C11orf98: variants seen among roughly 807,000 people sequenced by gnomAD.
C11orf98 encodes the protein 28S rRNA/ribosome and sororin micro-cofactor.
Under a neutral mutation model 10.9 loss-of-function variants are expected in C11orf98, and 7 were observed. The observed-to-expected ratio is 0.64, with a 90% CI of 0.37 to 1.21. The LOEUF (loss-of-function observed/expected upper bound fraction) is 1.21. Ranked by LOEUF, C11orf98 falls within the 50% of genes most tolerant of loss-of-function variation. The pLI, the probability that C11orf98 is intolerant of heterozygous loss-of-function variation, is 0.02. For synonymous variants in C11orf98, 70 were observed against 57.2 expected, an observed-to-expected ratio of 1.22 and a Z score of -1.01; for missense variants, 181 against 153.7, an observed-to-expected ratio of 1.18 and a Z score of -0.94.
At position 62,664,990 on chromosome 11, in the gene C11orf98, T is replaced by C; in HGVS notation, c.40-17A>G. 6.2e-7 allele frequency: 1 copy of C among 1,608,622 alleles called. No individual in the cohort carries two copies. The highest frequency in any genetic ancestry group is 2.2e-5 in the East Asian group (1 of 44,860). ...CTTCAGCTCCTGCCGGGGAGAAAGA[T>C]GCGAATCAGATGGAGTGGGCTCGCC... On this transcript the variant is annotated splice_polypyrimidine_tract_variant and intron_variant, in intron 1 of 3. Transcript: ENST00000524958.
chr11:62,665,172 T>C lies in C11orf98; in HGVS notation c.-3A>G, dbSNP rs765821978. 7.0e-6 allele frequency: 6 copies of C among 860,200 alleles called. No homozygotes were observed. The South Asian group carries it at 7.1e-5, about 10-fold the overall frequency. The allele number at this position is 860,200 out of a possible 1,614,324, so 53.3% of individuals were successfully genotyped here. A position where few individuals can be genotyped will look rare whatever the true frequency, so the allele number is the denominator to read the frequency against. ...ATCTTTCCCCCCGGAGCTCCCATAG[T>C]CGCGATTCCACTCCAGTTCACGGTC... On this transcript the variant is annotated 5_prime_UTR_variant, in exon 1 of 4. Coordinates refer to ENST00000524958, the MANE Select transcript of C11orf98 (RefSeq NM_001286086.2).
intron 2 of C11orf98, 111 bp downstream of exon 2, chr11:62,664,738 C>A: frequency 7.3e-7 from 1 of 1,366,538 alleles, no homozygotes; most frequent in South Asian, 1.4e-5. Flanking sequence ...ACATTCCCCG[C>A]ATAAGCGTCA....
chr11:62,665,025 G>T, intron 1 of C11orf98, 52 bp from the exon 2 acceptor site: 1 of 1,600,392 alleles, frequency 6.2e-7, no homozygotes, highest in Non-Finnish European at 8.5e-7. Context: ...CGCGACCCGG[G>T]GCCCCTCCAC....
intron 2 of C11orf98, among the ~76,000 whole-genome samples, chr11:62,663,960 C>G (rs1302762910): frequency 6.6e-6 from 1 of 150,624 alleles, no homozygotes; most frequent in African/African-American, 2.4e-5. Context: ...GTAATCCCAG[C>G]TACTCGGGAG....
In C11orf98 at chr11:62,665,171, G is replaced by C; in HGVS notation, c.-2C>G. On this transcript the variant is annotated 5_prime_UTR_variant, in exon 1 of 4. Transcript: ENST00000524958. ...GATCTTTCCCCCCGGAGCTCCCATA[G>C]TCGCGATTCCACTCCAGTTCACGGT... 1 of 865,164 alleles carries C rather than the reference G, an allele frequency of 1.2e-6. No individual in the cohort carries two copies. The highest frequency in any genetic ancestry group is 1.4e-5 in the South Asian group (1 of 70,778). 53.6% of individuals were successfully genotyped at this position (865,164 alleles called of 1,614,324 possible).
In C11orf98 at chr11:62,665,186, C is replaced by T. The variant is rs1281386741; in HGVS notation, c.-17G>A. 4.9e-6 allele frequency: 4 copies of T among 817,666 alleles called. No individual in the cohort carries two copies. The highest frequency in any genetic ancestry group is 3.4e-5 in the African/African-American group (2 of 59,272). The allele number at this position is 817,666 out of a possible 1,614,324, so 50.7% of individuals were successfully genotyped here. ...AGCTCCCATAGTCGCGATTCCACTC[C>T]AGTTCACGGTCCGTACTTCCGCTCA... On this transcript the variant is annotated 5_prime_UTR_variant, in exon 1 of 4. Transcript: ENST00000524958.
chr11:62,663,810 T>C (rs1449621379), intron 2 of C11orf98, among the ~76,000 whole-genome samples: 2 of 151,576 alleles, frequency 1.3e-5, no homozygotes, highest in Non-Finnish European at 2.9e-5. Context: ...CGGTGGCTTA[T>C]GCCTGTAATC....
In C11orf98 at chr11:62,663,347, G is replaced by A. The variant is rs764472493; in HGVS notation, c.165-14C>T. The A allele has an allele frequency of 1.9e-6, 3 of 1,611,880 alleles. No individual in the cohort carries two copies. Among genetic ancestry groups the A allele is most frequent in the African/African-American group, 1.3e-5 (1 of 74,892 alleles). On this transcript the variant is annotated splice_polypyrimidine_tract_variant and intron_variant, in intron 2 of 3. Coordinates refer to ENST00000524958, the MANE Select transcript of C11orf98 (RefSeq NM_001286086.2). ...CGTGCACTGGACCTGATGGGTAAGT[G>A]GAAATAAAGAGAGCTAGGTTAACCT...
chr11:62,665,113 C>T lies in C11orf98; in HGVS notation c.39+18G>A. On this transcript the variant is annotated intron_variant, in intron 1 of 3. Transcript: ENST00000524958. ...AGGAACGCTTGAGGAAACAAAGTCG[C>T]GGCCCCCACACAGTCACCGTTCGGG... The T allele has an allele frequency of 7.8e-7, 1 of 1,286,000 alleles. No individual in the cohort carries two copies. Among genetic ancestry groups the T allele is most frequent in the Non-Finnish European group, 1.1e-6 (1 of 917,820 alleles). The allele number at this position is 1,286,000 out of a possible 1,614,324, so 79.7% of individuals were successfully genotyped here.
In C11orf98 at chr11:62,665,138, G is replaced by A; in HGVS notation, c.32C>T (p.Pro11Leu). 1 of 1,059,120 alleles carries A rather than the reference G, an allele frequency of 9.4e-7. No homozygotes were observed. 65.6% of individuals were successfully genotyped at this position (1,059,120 alleles called of 1,614,324 possible). MGAPGGKINR[P>L]RTELKKKLFK... ...CGGCCCCCACACAGTCACCGTTCGG[G>A]GCCGGTTGATCTTTCCCCCCGGAGC... Residue 11 changes from proline (P) to leucine (L), a missense_variant, in exon 1 of 4, where the codon CCC (proline) becomes CTC (leucine). Coordinates refer to ENST00000524958, the MANE Select transcript of C11orf98 (RefSeq NM_001286086.2).
chr11:62,665,216 C>G (rs371889644), upstream of C11orf98: 17 of 789,020 alleles, frequency 2.2e-5, no homozygotes, highest in Middle Eastern at 2.4e-4. Context: ...CGCTCAGCGC[C>G]GGATCCGCGG....
intron 2 of C11orf98, among the ~76,000 whole-genome samples, chr11:62,663,597 G>A (rs1272635864): frequency 1.3e-5 from 2 of 151,796 alleles, no homozygotes; most frequent in South Asian, 2.1e-4. Context: ...GGGAGGCTGC[G>A]GCAGGAGAAT....
chr11:62,665,157 C>G lies in C11orf98; in HGVS notation c.13G>C (p.Gly5Arg). 2.2e-6 allele frequency: 2 copies of G among 919,562 alleles called. No individual in the cohort carries two copies. The highest frequency in any genetic ancestry group is 3.4e-6 in the Non-Finnish European group (2 of 583,354). 57.0% of individuals were successfully genotyped at this position (919,562 alleles called of 1,614,324 possible). A position where few individuals can be genotyped will look rare whatever the true frequency, so the allele number is the denominator to read the frequency against. Residue 5 changes from glycine to arginine, a missense_variant, in exon 1 of 4, where the codon GGG becomes CGG. Gly to Arg is a moderately radical substitution (Grantham distance 125, BLOSUM62 -2). Coordinates refer to ENST00000524958, the MANE Select transcript of C11orf98 (RefSeq NM_001286086.2). MGAP[G>R]GKINRPRTEL... ...GTTCGGGGCCGGTTGATCTTTCCCC[C>G]CGGAGCTCCCATAGTCGCGATTCCA...
intron 2 of C11orf98, among the ~76,000 whole-genome samples, chr11:62,664,083 A>AG (rs1944726365): frequency 1.4e-5 from 1 of 70,980 alleles, no homozygotes; most frequent in African/African-American, 4.7e-5. Flanking sequence ...AAAAAAGAGG[A>AG]AAAAAAAAAA....
At chr11:62,664,775 G>C (rs1299069509) in intron 2 of C11orf98, 74 bp downstream of exon 2, 1 of 1,523,294 alleles carries the variant, frequency 6.6e-7, no homozygotes, top group African/African-American at 1.4e-5. Context: ...GAGAGGTGAA[G>C]CTGCTCCGGA....
chr11:62,663,121 G>A lies in C11orf98; in HGVS notation c.301C>T (p.Gln101Ter). The change falls in exon 4 of 4, where the codon CAG (glutamine) becomes TAG (stop). Residue 101 changes from glutamine (Q) to a stop codon, truncating the protein, a stop_gained. Coordinates refer to ENST00000524958, the MANE Select transcript of C11orf98 (RefSeq NM_001286086.2). LOFTEE classifies it high-confidence loss of function. ...TTTGTCTTCTTTTGCCTTTTGAGCT[G>A]TGGTTCACTAGTCCTGGCTGGCTTT... is the stretch of plus-strand genomic sequence containing the variant. ...PSKPARTSEP[Q>*]LKRQKKTKAP... is the part of the protein sequence containing the mutation. 6.2e-7 allele frequency: 1 copy of A among 1,614,066 alleles called. No homozygotes were observed.
rs773687736 is a variant in C11orf98, at chr11:62,663,080, T to C, written c.342A>G (p.Val114=). The change falls in exon 4 of 4, where the codon GTA becomes GTG. Residue 114 remains valine, a synonymous_variant. Transcript: ENST00000524958. The stretch of plus-strand genomic sequence containing the variant: ...TCTCATCTTCAAGGTCCTTCATTTC[T>C]ACATCCTGGGGGGCTTTTGTCTTCT... ...RQKKTKAPQD[V]EMKDLEDES is the part of the protein sequence containing the mutation. 2 of 1,610,774 alleles carry C rather than the reference T, an allele frequency of 1.2e-6. No individual in the cohort carries two copies. Among genetic ancestry groups the C allele is most frequent in the Non-Finnish European group, 1.7e-6 (2 of 1,177,832 alleles).
chr11:62,663,200 C>T, intron 3 of C11orf98, 36 bp downstream of exon 3: 1 of 1,613,772 alleles, frequency 6.2e-7, no homozygotes, highest in South Asian at 1.1e-5. Flanking sequence ...CAAATAAATC[C>T]AGGATTCCCC....
At position 62,663,058 on chromosome 11, in the gene C11orf98, C is replaced by T; in HGVS notation, c.364G>A (p.Glu122Lys). ...QDVEMKDLED[E>K]S ...CTTCTAGTGGAAGAGGTTTAGCTCT[C>T]ATCTTCAAGGTCCTTCATTTCTACA... Residue 122 changes from glutamate to lysine, a missense_variant, in exon 4 of 4, where the codon GAG (glutamate) becomes AAG (lysine). Coordinates refer to ENST00000524958, the MANE Select transcript of C11orf98 (RefSeq NM_001286086.2). 6.3e-7 allele frequency: 1 copy of T among 1,589,016 alleles called. No homozygotes were observed. Among genetic ancestry groups the T allele is most frequent in the Non-Finnish European group, 8.6e-7 (1 of 1,159,240 alleles).
Sources: gnomAD v4.1 joint callset for allele counts (sites outside exome capture counted in the v4.1 genomes callset) on GRCh38, gnomAD v4.1.1 for gene constraint, MANE v1.5 for transcripts, NCBI Gene and HGNC (gene_info 2026-07-23, HGNC 2026-07-21) for gene names.